Variants in CMSS1 observed in about 807,000 individuals in gnomAD.
The protein encoded by CMSS1 is protein CMSS1.
In CMSS1, 33 loss-of-function variants were observed where a neutral mutation model predicts 43.5. That is an observed-to-expected ratio of 0.76 (90% CI 0.57 to 1.01). CMSS1 has a LOEUF of 1.01. CMSS1 is among the 50% of genes least tolerant of loss of function. The pLI is 0.00. For missense variants in CMSS1, 313 were observed against 326.4 expected, an observed-to-expected ratio of 0.96 and a Z score of 0.32; for synonymous variants, 115 against 117.2, an observed-to-expected ratio of 0.98 and a Z score of 0.12.
At chr3:99,887,224 G>A (rs1433576866) in intron 1 of CMSS1, among the ~76,000 whole-genome samples, 1 of 151,678 alleles carries the variant, frequency 6.6e-6, no homozygotes, top group East Asian at 1.9e-4. Flanking sequence ...CCGAGATTGA[G>A]CCATTGCACT....
At chr3:100,115,802 T>C (rs1315357684) in intron 1 of CMSS1, among the ~76,000 whole-genome samples, 1 of 152,200 alleles carries the variant, frequency 6.6e-6, no homozygotes, top group South Asian at 2.1e-4. Flanking sequence ...TTCTAATCCA[T>C]AGATCCCATT....
intron 1 of CMSS1, among the ~76,000 whole-genome samples, chr3:100,101,099 T>C (rs2066297582): frequency 6.6e-6 from 1 of 152,158 alleles, no homozygotes. Flanking sequence ...GGGTGGTACA[T>C]ACTGGAATTC....
At chr3:99,858,004 A>G (rs996437748) in intron 1 of CMSS1, among the ~76,000 whole-genome samples, 3 of 152,162 alleles carry the variant, frequency 2.0e-5, no homozygotes, top group Non-Finnish European at 4.4e-5. Context: ...AAGAAAAAGG[A>G]GATAGTTCCA....
At chr3:99,871,341 G>C (rs1329787126) in intron 1 of CMSS1, among the ~76,000 whole-genome samples, 1 of 152,114 alleles carries the variant, frequency 6.6e-6, no homozygotes, top group Non-Finnish European at 1.5e-5. Context: ...CAGCTTCTAG[G>C]TTGTAATTTG....
At chr3:99,915,816 T>C (rs1706932509) in intron 1 of CMSS1, among the ~76,000 whole-genome samples, 1 of 152,206 alleles carries the variant, frequency 6.6e-6, no homozygotes, top group African/African-American at 2.4e-5. Flanking sequence ...TGCATTGCAC[T>C]TATTGATGTT....
intron 1 of CMSS1, among the ~76,000 whole-genome samples, chr3:99,951,649 C>G (rs1708180769): frequency 6.6e-6 from 1 of 152,220 alleles, no homozygotes; most frequent in African/African-American, 2.4e-5. Flanking sequence ...CACATATACA[C>G]AGTCCCCACT....
intron 1 of CMSS1, among the ~76,000 whole-genome samples, chr3:100,139,392 A>G (rs1204710143): frequency 2.0e-5 from 3 of 151,890 alleles, no homozygotes; most frequent in Non-Finnish European, 2.9e-5. Context: ...TTAAAAATCC[A>G]GCCAGGAGGC....
chr3:99,985,449 A>G (rs913821781), intron 1 of CMSS1, among the ~76,000 whole-genome samples: 1 of 152,048 alleles, frequency 6.6e-6, no homozygotes, highest in Non-Finnish European at 1.5e-5. Context: ...AGCTTGAGCC[A>G]AGATCATACC....
chr3:99,954,118 C>A (rs567013469), intron 1 of CMSS1, among the ~76,000 whole-genome samples: 7 of 152,356 alleles, frequency 4.6e-5, no homozygotes, highest in African/African-American at 1.7e-4. Context: ...GGGCTCATCT[C>A]ACTTAACACT....
intron 2 of CMSS1, among the ~76,000 whole-genome samples, chr3:100,155,495 A>G (rs980688122): frequency 3.9e-5 from 6 of 152,144 alleles, no homozygotes; most frequent in Non-Finnish European, 8.8e-5. Context: ...TTTTGCTGCA[A>G]AACTCCATAT....
At chr3:99,859,403 G>A (rs1345525769) in intron 1 of CMSS1, among the ~76,000 whole-genome samples, 2 of 152,236 alleles carry the variant, frequency 1.3e-5, no homozygotes, top group Admixed American at 1.3e-4. Context: ...TTGAAACAGT[G>A]TAACAGTCAC....
At chr3:100,145,362 C>T (rs1033243485) in intron 1 of CMSS1, among the ~76,000 whole-genome samples, 6 of 152,048 alleles carry the variant, frequency 3.9e-5, no homozygotes, top group Admixed American at 1.3e-4. Context: ...GCAGGAGAAT[C>T]GCTTGAATCC....
rs189755672 is a variant in CMSS1, at chr3:99,850,166, G to A, written c.64+32123G>A. 91 of 1,610,504 alleles carry A rather than the reference G, an allele frequency of 5.7e-5. 1 individual carries two copies. In the East Asian group the frequency reaches 1.0e-3, roughly 18 times the overall value. ...TTTAATTTTTCACTCATTGTTTTCC[G>A]TTCATCTACAAACATCACAGTTAAT... is the stretch of plus-strand genomic sequence containing the variant. On this transcript the variant is annotated intron_variant, in intron 1 of 9. Transcript: ENST00000421999.
At chr3:100,003,163 C>G (rs988678418) in intron 1 of CMSS1, among the ~76,000 whole-genome samples, 1 of 152,172 alleles carries the variant, frequency 6.6e-6, no homozygotes, top group Non-Finnish European at 1.5e-5. Context: ...CCTGCCAAAT[C>G]TGATTAGAAG....
intron 1 of CMSS1, among the ~76,000 whole-genome samples, chr3:99,893,999 G>A (rs762763607): frequency 1.2e-4 from 18 of 152,158 alleles, no homozygotes; most frequent in Admixed American, 2.0e-4. Context: ...GCTATGTTAA[G>A]TGAGATACAT....
At chr3:100,112,703 T>C (rs554963380) in intron 1 of CMSS1, among the ~76,000 whole-genome samples, 1 of 152,306 alleles carries the variant, frequency 6.6e-6, no homozygotes, top group East Asian at 1.9e-4. Flanking sequence ...CTTTGGGAAA[T>C]TACTGAGAAA....
chr3:99,854,894 G>C (rs990653205), intron 1 of CMSS1, among the ~76,000 whole-genome samples: 2 of 152,128 alleles, frequency 1.3e-5, no homozygotes, highest in Non-Finnish European at 2.9e-5. Context: ...CTTTACCAAT[G>C]CTTCTCACAG....
At chr3:100,051,515 C>T (rs1348644950) in intron 1 of CMSS1, among the ~76,000 whole-genome samples, 1 of 120,344 alleles carries the variant, frequency 8.3e-6, no homozygotes. Flanking sequence ...CCTCCCCCCA[C>T]CCCACAACAG....
chr3:100,116,636 A>C (rs557159869), intron 1 of CMSS1, among the ~76,000 whole-genome samples: 10 of 152,306 alleles, frequency 6.6e-5, no homozygotes, highest in African/African-American at 2.4e-4. Flanking sequence ...ACGCGCGCCT[A>C]TATCTGTTGC....
Sources: allele counts gnomAD v4.1 joint callset (sites outside exome capture counted in the v4.1 genomes callset), GRCh38; gene constraint gnomAD v4.1.1; transcripts MANE v1.5; gene names NCBI Gene and HGNC (gene_info 2026-07-23, HGNC 2026-07-21).